The following SLIT3 variants were observed in gnomAD, a reference collection of about 807,000 sequenced individuals.
SLIT3 encodes slit guidance ligand 3.
Under a neutral mutation model 184.0 loss-of-function variants are expected in SLIT3, and 68 were observed. That is an observed-to-expected ratio of 0.37 (90% confidence interval 0.30 to 0.45). The LOEUF is 0.45. Among genes scored for constraint, SLIT3 ranks in the 20% least tolerant of loss-of-function variants. The pLI is 1.00. For synonymous variants in SLIT3, 831 were observed against 828.6 expected, an observed-to-expected ratio of 1.00 and a Z score of -0.05; for missense variants, 1,707 against 2,026.0, an observed-to-expected ratio of 0.84 and a Z score of 3.02.
At chr5:168,730,196 C>CA (rs1336250386) in intron 20 of SLIT3, among the ~76,000 whole-genome samples, 1 of 151,740 alleles carries the variant, frequency 6.6e-6, no homozygotes, top group African/African-American at 2.4e-5. Context: ...AATACATACA[C>CA]AACCAACATT....
chr5:169,231,347 CCT>C (rs1157478698), intron 3 of SLIT3, among the ~76,000 whole-genome samples: 1 of 152,164 alleles, frequency 6.6e-6, no homozygotes, highest in Non-Finnish European at 1.5e-5. Flanking sequence ...CCCAGAAATC[CCT>C]TAGTGCCCCT....
intron 6 of SLIT3, 127 bp downstream of exon 6, chr5:168,844,457 G>A: frequency 1.2e-6 from 1 of 826,768 alleles, no homozygotes; most frequent in Non-Finnish European, 2.0e-6. Context: ...CACTGCAGCA[G>A]AGACCAGAAA....
intron 3 of SLIT3, among the ~76,000 whole-genome samples, chr5:169,199,089 A>G (rs1763834604): frequency 6.6e-6 from 1 of 152,096 alleles, no homozygotes; most frequent in African/African-American, 2.4e-5. Flanking sequence ...GGAGGTTGAA[A>G]TCGGAAGCAG....
intron 4 of SLIT3, among the ~76,000 whole-genome samples, chr5:169,011,679 T>G (rs1756159698): frequency 6.6e-6 from 1 of 152,152 alleles, no homozygotes; most frequent in Admixed American, 6.5e-5. Context: ...CATCCTAAAA[T>G]CTTTACTTAT....
intron 4 of SLIT3, among the ~76,000 whole-genome samples, chr5:169,023,333 C>T (rs1241019768): frequency 6.6e-6 from 1 of 151,996 alleles, no homozygotes; most frequent in African/African-American, 2.4e-5. Context: ...TGAAAAATAG[C>T]TATTTTGTCT....
At chr5:168,686,619 G>T (rs1037084927) in intron 30 of SLIT3, among the ~76,000 whole-genome samples, 4 of 152,238 alleles carry the variant, frequency 2.6e-5, no homozygotes, top group African/African-American at 9.6e-5. Context: ...ATTCTGGCCA[G>T]TGTGGCCATG....
At position 169,136,703 on chromosome 5, in the gene SLIT3, T is replaced by A. The variant is rs151285936; in HGVS notation, c.413+56776A>T. Among the ~76,000 whole-genome samples the A allele has an allele frequency of 4.2e-3, 640 of 152,290 alleles. 2 individuals are homozygous for A. The highest frequency in any genetic ancestry group is 0.024 in the Middle Eastern group (7 of 294). ...TGCCTCATTATGGGCCTGGATTTGC[T>A]TTCCCATTGGAGAATGGGCCAGGGT... is the stretch of plus-strand genomic sequence containing the variant. On this transcript the variant is annotated intron_variant, in intron 4 of 35. Coordinates refer to ENST00000519560, the MANE Select transcript of SLIT3 (RefSeq NM_003062.4).
At chr5:169,244,029 T>G (rs966405374) in intron 3 of SLIT3, among the ~76,000 whole-genome samples, 1 of 151,768 alleles carries the variant, frequency 6.6e-6, no homozygotes, top group African/African-American at 2.4e-5. Context: ...AATCCAAGAG[T>G]TTTCTGCAAA....
At chr5:169,137,326 A>ACC in intron 4 of SLIT3, among the ~76,000 whole-genome samples, 1 of 135,722 alleles carries the variant, frequency 7.4e-6, no homozygotes, top group African/African-American at 3.0e-5. Context: ...ACACACACAC[A>ACC]CACACACACA....
intron 4 of SLIT3, among the ~76,000 whole-genome samples, chr5:169,013,738 C>T (rs1336464300): frequency 6.6e-6 from 1 of 152,192 alleles, no homozygotes; most frequent in African/African-American, 2.4e-5. Context: ...TTTGAGCAGG[C>T]CTGGCTCCTA....
intron 23 of SLIT3, among the ~76,000 whole-genome samples, chr5:168,715,182 G>C (rs1326820247): frequency 6.6e-6 from 1 of 152,182 alleles, no homozygotes; most frequent in Non-Finnish European, 1.5e-5. Flanking sequence ...TGTGAGCTGA[G>C]ACAATTGACT....
chr5:169,028,146 A>G (rs1032950581), intron 4 of SLIT3, among the ~76,000 whole-genome samples: 13 of 152,110 alleles, frequency 8.5e-5, no homozygotes, highest in African/African-American at 2.9e-4. Context: ...TAATCCCCAA[A>G]TATTCTTTAA....
chr5:169,128,940 G>A (rs895976920), intron 4 of SLIT3, among the ~76,000 whole-genome samples: 3 of 152,040 alleles, frequency 2.0e-5, no homozygotes, highest in African/African-American at 7.3e-5. Flanking sequence ...AATAAGAGAT[G>A]ACTTTTGAAA....
intron 4 of SLIT3, among the ~76,000 whole-genome samples, chr5:169,177,288 G>A (rs1301725473): frequency 1.3e-5 from 2 of 152,178 alleles, no homozygotes; most frequent in Non-Finnish European, 2.9e-5. Flanking sequence ...GGCCTGGGCT[G>A]ATCTGGGGCC....
rs397999882 is a variant in SLIT3 at position 169,002,322 on chromosome 5, C to CAAAAAAAAAAAA, written c.414-118998_414-118987dup. On this transcript the variant is annotated intron_variant, in intron 4 of 35. Coordinates refer to ENST00000519560, the MANE Select transcript of SLIT3 (RefSeq NM_003062.4). ...TGAGCAACAGAACGAGACTCTGTCT[C>CAAAAAAAAAAAA]AAAAAAAAAAAAAAAAAAAAAAAAA... is the stretch of plus-strand genomic sequence containing the variant. Among the ~76,000 whole-genome samples, 46 of 24,198 alleles carry CAAAAAAAAAAAA rather than the reference C, an allele frequency of 1.9e-3. 3 individuals carry two copies. Among genetic ancestry groups the CAAAAAAAAAAAA allele is most frequent in the Admixed American group, 6.4e-3 (7 of 1,086 alleles). The allele number at this position is 24,198 out of a possible 152,430, so 15.9% of individuals were successfully genotyped here. A position where few individuals can be genotyped will look rare whatever the true frequency, so the allele number is the denominator to read the frequency against.
chr5:168,870,942 T>G (rs956185573), intron 5 of SLIT3, among the ~76,000 whole-genome samples: 6 of 152,152 alleles, frequency 3.9e-5, no homozygotes, highest in Non-Finnish European at 8.8e-5. Context: ...CTGAGGGTGG[T>G]TCTAGTACTG....
chr5:168,695,968 G>A (rs2033693402), intron 28 of SLIT3, among the ~76,000 whole-genome samples: 1 of 152,212 alleles, frequency 6.6e-6, no homozygotes, highest in African/African-American at 2.4e-5. Flanking sequence ...TAAACACAAT[G>A]CAAGCGCCTC....
intron 20 of SLIT3, among the ~76,000 whole-genome samples, chr5:168,746,347 GGGTGTGTGGTGGTGTGT>G (rs1338337742): frequency 2.4e-5 from 3 of 125,394 alleles, no homozygotes; most frequent in East Asian, 5.0e-4. Flanking sequence ...GTGGTGGTGT[GGGTGTGTGGTGGTGTGT>G]GGTGTGTGAG....
chr5:168,922,326 G>A (rs1051007123), intron 4 of SLIT3, among the ~76,000 whole-genome samples: 11 of 151,840 alleles, frequency 7.2e-5, no homozygotes, highest in Non-Finnish European at 8.8e-5. Context: ...GCATGGTGGC[G>A]GGTGCCTGTA....
Sources: gnomAD v4.1 joint callset for allele counts (sites outside exome capture counted in the v4.1 genomes callset) on GRCh38, gnomAD v4.1.1 for gene constraint, MANE v1.5 for transcripts, NCBI Gene and HGNC (gene_info 2026-07-23, HGNC 2026-07-21) for gene names.